CNTLN: variants seen among roughly 807,000 people sequenced by gnomAD.
The protein encoded by CNTLN is centlein.
A neutral mutation model predicts 180.0 loss-of-function variants in CNTLN; 212 were observed. The observed-to-expected ratio is 1.18, with a 90% confidence interval of 1.05 to 1.32. CNTLN has a LOEUF of 1.32. Among genes scored for constraint, CNTLN ranks in the 40% most tolerant of loss-of-function variants. CNTLN has a pLI of 0.00. For missense variants in CNTLN, 2,095 were observed against 1,610.9 expected, an observed-to-expected ratio of 1.30 and a Z score of -5.14; for synonymous variants, 722 against 563.1, an observed-to-expected ratio of 1.28 and a Z score of -3.99.
At chr9:17,324,031 G>C (rs1820100862) in intron 8 of CNTLN, among the ~76,000 whole-genome samples, 1 of 152,128 alleles carries the variant, frequency 6.6e-6, no homozygotes, top group Admixed American at 6.5e-5. Context: ...TTAGCAGATT[G>C]AAAACCACAC....
chr9:17,419,880 A>G (rs1227214799), intron 18 of CNTLN, among the ~76,000 whole-genome samples: 1 of 152,172 alleles, frequency 6.6e-6, no homozygotes, highest in African/African-American at 2.4e-5. Flanking sequence ...ATGTACATTG[A>G]TAAATAATAT....
the CNTLN span, among the ~76,000 whole-genome samples, chr9:17,512,208 C>T: frequency 6.6e-6 from 1 of 152,202 alleles, no homozygotes; most frequent in African/African-American, 2.4e-5. Context: ...AAGCAGGAAG[C>T]AGGCAGTGTA....
the CNTLN span, among the ~76,000 whole-genome samples, chr9:17,523,521 G>A: frequency 2.6e-5 from 4 of 152,080 alleles, no homozygotes; most frequent in African/African-American, 4.8e-5. Context: ...ACAGGTGTGC[G>A]CCACCATGCC....
rs188526167 is a variant in CNTLN, at chr9:17,307,727, A to G, written c.1147-1331A>G. ...ACAAGCCTTTTTAAATTTTAAATTTAAAAAACGGAGGTAAACATGCATACA... is the reference window on the plus strand; with the variant it reads ...ACAAGCCTTTTTAAATTTTAAATTTGAAAAACGGAGGTAAACATGCATACA... On this transcript the variant is annotated intron_variant, in intron 7 of 25. Transcript: ENST00000380647. Among the ~76,000 whole-genome samples, 14 of 152,248 alleles carry G rather than the reference A, an allele frequency of 9.2e-5. No homozygotes were observed. In the East Asian group the frequency reaches 2.1e-3, roughly 23 times the overall value.
chr9:17,437,367 TAATATGAG>T (rs1438606330), intron 18 of CNTLN, among the ~76,000 whole-genome samples: 1 of 152,224 alleles, frequency 6.6e-6, no homozygotes. Flanking sequence ...AAGAAAATAT[TAATATGAG>T]AATATGTGAC....
At chr9:17,298,030 A>G (rs1818071330) in intron 6 of CNTLN, among the ~76,000 whole-genome samples, 160 bp from the exon 7 acceptor site, 1 of 152,204 alleles carries the variant, frequency 6.6e-6, no homozygotes, top group South Asian at 2.1e-4. Flanking sequence ...TATGTGATAA[A>G]TATTAAATAT....
At chr9:17,382,598 A>G (rs752585700) in intron 13 of CNTLN, among the ~76,000 whole-genome samples, 1 of 152,234 alleles carries the variant, frequency 6.6e-6, no homozygotes, top group Non-Finnish European at 1.5e-5. Context: ...TCTGTTGAGC[A>G]TATACCTAGT....
chr9:17,490,785 A>G (rs914340136), intron 25 of CNTLN, among the ~76,000 whole-genome samples: 2 of 151,662 alleles, frequency 1.3e-5, no homozygotes, highest in Non-Finnish European at 2.9e-5. Flanking sequence ...TACAAAAAGA[A>G]AAAAAAGAAT....
intron 8 of CNTLN, among the ~76,000 whole-genome samples, chr9:17,319,976 T>A (rs1819795256): frequency 6.6e-6 from 1 of 152,236 alleles, no homozygotes; most frequent in South Asian, 2.1e-4. Flanking sequence ...GAATTCTGAA[T>A]GACTGCCTAT....
At chr9:17,161,902 T>C (rs961871628) in intron 2 of CNTLN, among the ~76,000 whole-genome samples, 10 of 152,170 alleles carry the variant, frequency 6.6e-5, no homozygotes, top group Non-Finnish European at 1.3e-4. Context: ...GTCCTTTTTT[T>C]TTCATTACAT....
chr9:17,515,014 A>G, the CNTLN span, among the ~76,000 whole-genome samples: 5 of 152,286 alleles, frequency 3.3e-5, no homozygotes, highest in African/African-American at 1.2e-4. Flanking sequence ...TGGACTACCT[A>G]CACTCAGATG....
At chr9:17,342,254 G>T in intron 11 of CNTLN, 71 bp from the exon 12 acceptor site, 2 of 1,444,886 alleles carry the variant, frequency 1.4e-6, no homozygotes, top group African/African-American at 2.9e-5. Flanking sequence ...TAAATTTTAA[G>T]GAATGTATAA....
At chr9:17,436,286 G>C (rs1196006680) in intron 18 of CNTLN, among the ~76,000 whole-genome samples, 1 of 152,178 alleles carries the variant, frequency 6.6e-6, no homozygotes, top group Non-Finnish European at 1.5e-5. Context: ...GTCAGATCCA[G>C]CTAAATTCTG....
intron 2 of CNTLN, among the ~76,000 whole-genome samples, chr9:17,197,675 T>C (rs1822222978): frequency 6.6e-6 from 1 of 152,214 alleles, no homozygotes; most frequent in Admixed American, 6.5e-5. Flanking sequence ...TTGTCTCCTA[T>C]TCTGTGGCGT....
intron 2 of CNTLN, among the ~76,000 whole-genome samples, chr9:17,214,151 G>T (rs985980937): frequency 6.6e-6 from 1 of 152,092 alleles, no homozygotes; most frequent in Admixed American, 6.6e-5. Flanking sequence ...TCCTAGCCTC[G>T]ATGGTCTTTA....
chr9:17,502,227 C>T (rs1208072654), intron 25 of CNTLN, among the ~76,000 whole-genome samples: 1 of 152,170 alleles, frequency 6.6e-6, no homozygotes, highest in Non-Finnish European at 1.5e-5. Context: ...ATGACTGTAA[C>T]CTACTATTGA....
intron 2 of CNTLN, 44 bp downstream of exon 2, chr9:17,143,420 G>C: frequency 7.2e-7 from 1 of 1,389,300 alleles, no homozygotes; most frequent in Non-Finnish European, 1.0e-6. Context: ...GGTGTGTTGA[G>C]TTTGTTTCTC....
At chr9:17,252,088 TA>T (rs1826178008) in intron 5 of CNTLN, among the ~76,000 whole-genome samples, 1 of 151,918 alleles carries the variant, frequency 6.6e-6, no homozygotes, top group African/African-American at 2.4e-5. Flanking sequence ...GTCTAAGTAG[TA>T]TTCCATTATT....
chr9:17,159,257 G>A (rs1819510169), intron 2 of CNTLN, among the ~76,000 whole-genome samples: 1 of 152,144 alleles, frequency 6.6e-6, no homozygotes, highest in African/African-American at 2.4e-5. Context: ...TCTACACTGT[G>A]TTGCAAATAA....
Sources: gnomAD v4.1 joint callset for allele counts (sites outside exome capture counted in the v4.1 genomes callset) on GRCh38, gnomAD v4.1.1 for gene constraint, MANE v1.5 for transcripts, NCBI Gene and HGNC (gene_info 2026-07-23, HGNC 2026-07-21) for gene names.